MET: variants seen among roughly 807,000 people sequenced by gnomAD.
MET encodes the protein hepatocyte growth factor receptor.
A neutral mutation model predicts 133.1 loss-of-function variants in MET; 48 were observed. The observed-to-expected ratio is 0.36, with a 90% CI of 0.29 to 0.46. MET has a LOEUF of 0.46. Among genes scored for constraint, MET ranks in the 20% least tolerant of loss-of-function variants. MET has a pLI of 1.00. For synonymous variants in MET, 628 were observed against 616.5 expected, an observed-to-expected ratio of 1.02 and a Z score of -0.28; for missense variants, 1,442 against 1,695.9, an observed-to-expected ratio of 0.85 and a Z score of 2.63.
chr7:116,784,343 A>G (rs1338247576), intron 19 of MET, among the ~76,000 whole-genome samples: 1 of 152,208 alleles, frequency 6.6e-6, no homozygotes, highest in African/African-American at 2.4e-5. Context: ...ATTAGACTGC[A>G]ATCTTTCATC....
intron 19 of MET, among the ~76,000 whole-genome samples, chr7:116,786,185 A>T (rs902376341): frequency 6.6e-6 from 1 of 152,204 alleles, no homozygotes; most frequent in South Asian, 2.1e-4. Flanking sequence ...GGCTAAAAGA[A>T]TAAGAGTCAG....
At position 116,772,066 on chromosome 7, in the gene MET, G is replaced by GT. The variant is rs1174786318; in HGVS notation, c.3028+81dup. ...GTTGTGACATTGTTGTTTATTTTTG[G>GT]TTTTGCATTTATATTTTTATAAAAA... is the stretch of plus-strand genomic sequence containing the variant. On this transcript the variant is annotated intron_variant, in intron 14 of 20. Transcript: ENST00000397752. 7.5e-5 allele frequency: 115 copies of GT among 1,535,960 alleles called. 1 individual carries two copies. In the South Asian group the frequency reaches 9.5e-4, roughly 13 times the overall value.
chr7:116,714,049 T>TAAG (rs1177909636), intron 2 of MET, among the ~76,000 whole-genome samples: 5 of 152,228 alleles, frequency 3.3e-5, no homozygotes, highest in Non-Finnish European at 7.3e-5. Flanking sequence ...CTCTTTGCAC[T>TAAG]AAGCATTAAA....
chr7:116,703,870 AG>A (rs1791672878), intron 2 of MET, among the ~76,000 whole-genome samples: 1 of 152,214 alleles, frequency 6.6e-6, no homozygotes, highest in Non-Finnish European at 1.5e-5. Context: ...AGTTGAAATT[AG>A]AAAAGCATTC....
intron 1 of MET, among the ~76,000 whole-genome samples, chr7:116,689,700 C>T (rs1554375655): frequency 6.6e-6 from 1 of 151,184 alleles, no homozygotes; most frequent in Non-Finnish European, 1.5e-5. Context: ...TCCACAGTAG[C>T]TGGGACTATA....
chr7:116,780,435 C>T (rs1226064884), intron 17 of MET, among the ~76,000 whole-genome samples: 1 of 152,068 alleles, frequency 6.6e-6, no homozygotes, highest in Non-Finnish European at 1.5e-5. Flanking sequence ...GCAGATAAGG[C>T]GAATTGACCT....
In MET at chr7:116,718,734, T is replaced by C. The variant is rs550137929; in HGVS notation, c.1201-12934T>C. On this transcript the variant is annotated intron_variant, in intron 2 of 20. Coordinates refer to ENST00000397752, the MANE Select transcript of MET (RefSeq NM_000245.4). ...TTCAATTCCCACCTATGAGTGAGAA[T>C]ATGCGGTGTTTGGTTTTTTGTTCTT... 4.5e-3 allele frequency among the ~76,000 whole-genome samples: 662 copies of C among 148,502 alleles called. 3 individuals carry two copies. Among genetic ancestry groups the C allele is most frequent in the African/African-American group, 0.015 (613 of 40,390 alleles).
At chr7:116,735,966 G>A (rs984491304) in intron 3 of MET, among the ~76,000 whole-genome samples, 2 of 151,790 alleles carry the variant, frequency 1.3e-5, no homozygotes, top group African/African-American at 4.8e-5. Flanking sequence ...TAGTAGAGAC[G>A]GGTTTTTCGC....
At chr7:116,731,600 T>C (rs757319358) in intron 2 of MET, 68 bp from the exon 3 acceptor site, 138 of 1,541,008 alleles carry the variant, frequency 9.0e-5, no homozygotes, top group Non-Finnish European at 1.2e-4. Flanking sequence ...AAATACACAC[T>C]GAAAGGTTTC....
chr7:116,685,057 A>T (rs1796499826), intron 1 of MET, among the ~76,000 whole-genome samples: 1 of 152,180 alleles, frequency 6.6e-6, no homozygotes, highest in East Asian at 1.9e-4. Flanking sequence ...GGACATGTTC[A>T]GCACTGAGGT....
chr7:116,795,564 G>A lies in MET; in HGVS notation c.3799-91G>A, dbSNP rs1795642095. On this transcript the variant is annotated intron_variant, in intron 19 of 20. Coordinates refer to ENST00000397752, the MANE Select transcript of MET (RefSeq NM_000245.4). ...ACAGAAACCGTATTGAGTATGTAAAGCCAAGTTTAGTTACCAAGACCTACT... is the reference window on the plus strand; with the variant it reads ...ACAGAAACCGTATTGAGTATGTAAAACCAAGTTTAGTTACCAAGACCTACT... The A allele has an allele frequency of 1.1e-5, 17 of 1,578,600 alleles. No individual in the cohort carries two copies. The Admixed American group carries it at 1.5e-4, about 14-fold the overall frequency.
chr7:116,728,303 T>A (rs1352941807), intron 2 of MET, among the ~76,000 whole-genome samples: 1 of 151,812 alleles, frequency 6.6e-6, no homozygotes, highest in African/African-American at 2.4e-5. Flanking sequence ...TTTTATTTGA[T>A]GGGGGGGGCA....
rs2116920428 is a variant in MET, at chr7:116,757,485, C to T, written c.1911C>T (p.Ser637=). The T allele has an allele frequency of 1.2e-6, 2 of 1,613,742 alleles. No individual in the cohort carries two copies. The highest frequency in any genetic ancestry group is 2.7e-5 in the African/African-American group (2 of 74,954). Residue 637 remains serine, a synonymous_variant, in exon 7 of 21, where the codon TCC becomes TCT. Transcript: ENST00000397752. ...GPAMNKHFNM[S]IIISNGHGTT... ...CCATGAATAAGCATTTCAATATGTC[C>T]ATAATTATTTCAAATGGCCACGGGA... is the stretch of plus-strand genomic sequence containing the variant.
Position 116,796,326 on chromosome 7 carries a change from G to T in MET, c.*202G>T, listed in dbSNP as rs980266955. 1.6e-6 allele frequency: 1 copy of T among 608,016 alleles called. No homozygotes were observed. The highest frequency in any genetic ancestry group is 2.9e-6 in the Non-Finnish European group (1 of 342,798). The allele number at this position is 608,016 out of a possible 1,614,324, so 37.7% of individuals were successfully genotyped here. A position where few individuals can be genotyped will look rare whatever the true frequency, so the allele number is the denominator to read the frequency against. ...CCAGAGGCTTGGTCCCACAGGCCACGGACCAATGGCCTGCAGCCGTGACAA... is the reference window on the plus strand; with the variant it reads ...CCAGAGGCTTGGTCCCACAGGCCACTGACCAATGGCCTGCAGCCGTGACAA... On this transcript the variant is annotated 3_prime_UTR_variant, in exon 21 of 21. Transcript: ENST00000397752.
chr7:116,707,157 C>A (rs1252973748), intron 2 of MET, among the ~76,000 whole-genome samples: 1 of 151,972 alleles, frequency 6.6e-6, no homozygotes, highest in Admixed American at 6.6e-5. Flanking sequence ...AAAATATTTT[C>A]CAGTCTCCCC....
At chr7:116,763,465 A>G in intron 11 of MET, 197 bp downstream of exon 11, 2 of 606,180 alleles carry the variant, frequency 3.3e-6, no homozygotes, top group Non-Finnish European at 5.8e-6. Context: ...ATGAAGCATT[A>G]AAAAACCCTT....
chr7:116,700,300 TC>T lies in MET; in HGVS notation c.1200+20del. The stretch of plus-strand genomic sequence containing the variant: ...CTTTAATAGGGTAAGTCACATCAGT[TC>T]CCCACTTATAAACTGTGAGGTATAA... On this transcript the variant is annotated intron_variant, in intron 2 of 20. Coordinates refer to ENST00000397752, the MANE Select transcript of MET (RefSeq NM_000245.4). 6.3e-7 allele frequency: 1 copy of T among 1,598,438 alleles called. No individual in the cohort carries two copies.
chr7:116,778,868 A>G lies in MET; in HGVS notation c.3433A>G (p.Ile1145Val), dbSNP rs2117046846. Residue 1145 changes from isoleucine (I) to valine (V), a missense_variant, in exon 17 of 21, where the codon ATC becomes GTC. Coordinates refer to ENST00000397752, the MANE Select transcript of MET (RefSeq NM_000245.4). ...TCCCAATGTCCTCTCGCTCCTGGGA[A>G]TCTGCCTGCGAAGTGAAGGGTCTCC... ...SHPNVLSLLGICLRSEGSPLV... is the reference protein window; with the variant it reads ...SHPNVLSLLGVCLRSEGSPLV... 1.2e-6 allele frequency: 2 copies of G among 1,614,034 alleles called. No individual in the cohort carries two copies. Among genetic ancestry groups the G allele is most frequent in the Non-Finnish European group, 1.7e-6 (2 of 1,179,946 alleles).
At position 116,769,764 on chromosome 7, in the gene MET, GA is replaced by G. The variant is rs1385866035; in HGVS notation, c.2706del (p.Lys902AsnfsTer2). 6.2e-7 allele frequency: 1 copy of G among 1,613,648 alleles called. No homozygotes were observed. Among genetic ancestry groups the G allele is most frequent in the Non-Finnish European group, 8.5e-7 (1 of 1,179,848 alleles). On this transcript the variant is annotated frameshift_variant, in exon 12 of 21. Transcript: ENST00000397752. LOFTEE classifies it high-confidence loss of function. ...VLCTVPNDLL[K>X]LNSELNIEWK... The stretch of plus-strand genomic sequence containing the variant: ...TATGCACGGTCCCCAATGACCTGCT[GA>G]AATTGAACAGCGAGCTAAATATAGA...
Sources: gnomAD v4.1 joint callset for allele counts (sites outside exome capture counted in the v4.1 genomes callset) on GRCh38, gnomAD v4.1.1 for gene constraint, MANE v1.5 for transcripts, NCBI Gene and HGNC (gene_info 2026-07-23, HGNC 2026-07-21) for gene names.